The following TRAPPC9 variants were observed in gnomAD, a reference collection of about 807,000 sequenced individuals.
TRAPPC9 encodes IKK2 binding protein.
A neutral mutation model predicts 124.0 loss-of-function variants in TRAPPC9; 83 were observed. The observed-to-expected ratio is 0.67, with a 90% CI of 0.56 to 0.80. The LOEUF (loss-of-function observed/expected upper bound fraction) is 0.80, where lower values mean the gene tolerates loss of function less well. Among genes scored for constraint, TRAPPC9 ranks in the 30% least tolerant of loss-of-function variants. TRAPPC9 has a pLI of 0.00. For missense variants in TRAPPC9, 1,302 were observed against 1,508.3 expected, an observed-to-expected ratio of 0.86 and a Z score of 2.27; for synonymous variants, 638 against 617.5, an observed-to-expected ratio of 1.03 and a Z score of -0.49.
intron 7 of TRAPPC9, among the ~76,000 whole-genome samples, chr8:140,389,185 G>A (rs137955541): frequency 2.0e-4 from 31 of 151,954 alleles, no homozygotes; most frequent in African/African-American, 6.8e-4. Flanking sequence ...TCAAACTTCC[G>A]ACCTCAGGTG....
intron 17 of TRAPPC9, chr8:140,100,578 C>G (rs960806644): frequency 2.0e-5 from 3 of 152,800 alleles, no homozygotes; most frequent in African/African-American, 4.8e-5. Context: ...CCTGGTCGTA[C>G]GTTCGGCCCC....
At chr8:139,790,419 G>A (rs1211960893) in intron 21 of TRAPPC9, among the ~76,000 whole-genome samples, 7 of 152,226 alleles carry the variant, frequency 4.6e-5, no homozygotes, top group African/African-American at 1.7e-4. Context: ...GCACGGACAA[G>A]CGTGGGGTAT....
intron 9 of TRAPPC9, among the ~76,000 whole-genome samples, chr8:140,346,478 A>T (rs2067353571): frequency 6.6e-6 from 1 of 152,220 alleles, no homozygotes; most frequent in Admixed American, 6.5e-5. Flanking sequence ...TGGAGTCCTG[A>T]GGGTCTACTA....
At chr8:139,875,226 A>G (rs1829244395) in intron 21 of TRAPPC9, among the ~76,000 whole-genome samples, 1 of 152,126 alleles carries the variant, frequency 6.6e-6, no homozygotes, top group African/African-American at 2.4e-5. Flanking sequence ...CCCTGCATCC[A>G]GGCTGCCTGG....
At chr8:139,771,185 T>A (rs1191557221) in intron 21 of TRAPPC9, among the ~76,000 whole-genome samples, 6 of 152,188 alleles carry the variant, frequency 3.9e-5, no homozygotes, top group Non-Finnish European at 1.5e-5. Context: ...GGTGCTAGAC[T>A]GGCTCCCAGA....
At chr8:140,044,090 C>T (rs1018303374) in intron 17 of TRAPPC9, among the ~76,000 whole-genome samples, 2 of 152,102 alleles carry the variant, frequency 1.3e-5, no homozygotes, top group African/African-American at 4.8e-5. Context: ...CCTTGGTAGT[C>T]GCCCTGAAGA....
chr8:139,791,303 C>G (rs1391800530), intron 21 of TRAPPC9, among the ~76,000 whole-genome samples: 2 of 149,658 alleles, frequency 1.3e-5, no homozygotes, highest in Admixed American at 1.3e-4. Flanking sequence ...GACTCTCACA[C>G]AGGCGCCCGT....
rs549880720 is a variant in TRAPPC9 at position 140,296,818 on chromosome 8, C to T, written c.1768+3651G>A. 7.9e-5 allele frequency among the ~76,000 whole-genome samples: 12 copies of T among 152,342 alleles called. No homozygotes were observed. The South Asian group carries it at 8.3e-4, about 11-fold the overall frequency. On this transcript the variant is annotated intron_variant, in intron 11 of 22. Coordinates refer to ENST00000438773, the MANE Select transcript of TRAPPC9 (RefSeq NM_001160372.4). Reference sequence around the variant, plus strand: ...AATCACCTCTGGAAGTTTTTCTCAACGAAAGAACTGAAGCTTTCCTCAAAA... The same window carrying T: ...AATCACCTCTGGAAGTTTTTCTCAATGAAAGAACTGAAGCTTTCCTCAAAA...
intron 19 of TRAPPC9, among the ~76,000 whole-genome samples, chr8:139,949,079 A>T (rs751523646): frequency 4.6e-5 from 7 of 152,200 alleles, no homozygotes; most frequent in Non-Finnish European, 8.8e-5. Flanking sequence ...TCTCAAAAAA[A>T]TAAAAATAAA....
intron 11 of TRAPPC9, among the ~76,000 whole-genome samples, chr8:140,294,995 C>T (rs953943055): frequency 6.6e-6 from 1 of 152,128 alleles, no homozygotes; most frequent in Non-Finnish European, 1.5e-5. Flanking sequence ...CCCTTCCTCA[C>T]TATTTTGTCC....
chr8:140,289,173 TAGTGTGTGTGTG>T (rs760926604), intron 12 of TRAPPC9, among the ~76,000 whole-genome samples: 1 of 110,466 alleles, frequency 9.1e-6, no homozygotes, highest in Non-Finnish European at 1.8e-5. Flanking sequence ...GATATATATA[TAGTGTGTGTGTG>T]TGTGTGTGTG....
intron 21 of TRAPPC9, among the ~76,000 whole-genome samples, chr8:139,739,958 T>C (rs1818446195): frequency 1.3e-5 from 2 of 152,188 alleles, no homozygotes; most frequent in African/African-American, 4.8e-5. Flanking sequence ...GTACCCAGGT[T>C]TGAACGCTGG....
intron 13 of TRAPPC9, among the ~76,000 whole-genome samples, chr8:140,287,313 CAAG>C (rs932576533): frequency 5.3e-5 from 8 of 151,950 alleles, no homozygotes; most frequent in African/African-American, 1.9e-4. Flanking sequence ...GGAGTTCCAG[CAAG>C]AAGGAGCAGG....
chr8:140,324,834 A>G (rs2066696209), intron 9 of TRAPPC9, among the ~76,000 whole-genome samples: 1 of 152,240 alleles, frequency 6.6e-6, no homozygotes, highest in Non-Finnish European at 1.5e-5. Flanking sequence ...GATAAGGAAG[A>G]TTTAAACAAA....
At chr8:140,255,649 G>A (rs1452552698) in intron 15 of TRAPPC9, among the ~76,000 whole-genome samples, 1 of 152,220 alleles carries the variant, frequency 6.6e-6, no homozygotes, top group East Asian at 1.9e-4. Flanking sequence ...ACTTTGGGAG[G>A]CCAAGGCGGG....
chr8:140,022,236 T>C (rs1839870235), intron 18 of TRAPPC9, among the ~76,000 whole-genome samples: 2 of 152,138 alleles, frequency 1.3e-5, no homozygotes, highest in Non-Finnish European at 2.9e-5. Flanking sequence ...TGCAGAGTCA[T>C]TGGGAGACAT....
chr8:139,802,299 C>T (rs183275728), intron 21 of TRAPPC9, among the ~76,000 whole-genome samples: 438 of 152,308 alleles, frequency 2.9e-3, no homozygotes, highest in Middle Eastern at 6.8e-3. Flanking sequence ...CTCACACCTC[C>T]GCTTTGCTGG....
intron 9 of TRAPPC9, among the ~76,000 whole-genome samples, chr8:140,356,771 G>A (rs561172115): frequency 9.9e-5 from 15 of 152,004 alleles, no homozygotes; most frequent in South Asian, 4.2e-4. Context: ...CACCTCGCCC[G>A]GTTAATCTTT....
At chr8:140,304,641 C>A (rs966678683) in intron 10 of TRAPPC9, among the ~76,000 whole-genome samples, 7 of 152,194 alleles carry the variant, frequency 4.6e-5, no homozygotes, top group African/African-American at 1.7e-4. Context: ...AGGCCTGCCA[C>A]GGACCAGGTG....
Sources: gnomAD v4.1 joint callset for allele counts (sites outside exome capture counted in the v4.1 genomes callset) on GRCh38, gnomAD v4.1.1 for gene constraint, MANE v1.5 for transcripts, NCBI Gene and HGNC (gene_info 2026-07-23, HGNC 2026-07-21) for gene names.